The following LRRC36 variants were observed in gnomAD, a reference collection of about 807,000 sequenced individuals.
LRRC36 encodes the protein leucine-rich repeat-containing protein 36.
A neutral mutation model predicts 81.1 loss-of-function variants in LRRC36; 62 were observed. That is an observed-to-expected ratio of 0.76 (90% CI 0.62 to 0.94). The LOEUF is 0.94. Among genes scored for constraint, LRRC36 ranks in the 40% least tolerant of loss-of-function variants. LRRC36 has a pLI of 0.00. For synonymous variants in LRRC36, 334 were observed against 348.6 expected, an observed-to-expected ratio of 0.96 and a Z score of 0.47; for missense variants, 761 against 881.7, an observed-to-expected ratio of 0.86 and a Z score of 1.73.
At chr16:67,377,632 GC>G (rs2039953840) in intron 11 of LRRC36, among the ~76,000 whole-genome samples, 2 of 141,682 alleles carry the variant, frequency 1.4e-5, no homozygotes, top group Admixed American at 7.0e-5. Context: ...GCACCTGGCC[GC>G]CTTTTTTCTT....
At chr16:67,350,467 A>G (rs546075867) in intron 5 of LRRC36, among the ~76,000 whole-genome samples, 177 bp downstream of exon 5, 2 of 152,200 alleles carry the variant, frequency 1.3e-5, no homozygotes, top group Non-Finnish European at 2.9e-5. Context: ...CTTACAGAGC[A>G]GGCCTAACCC....
Position 67,355,621 on chromosome 16 carries a change from G to A in LRRC36, c.577+5331G>A, listed in dbSNP as rs75509309. On this transcript the variant is annotated intron_variant, in intron 5 of 13. Coordinates refer to ENST00000329956, the MANE Select transcript of LRRC36 (RefSeq NM_018296.6). ...GATCTCCTGACCTCATGATCCGCCC[G>A]CCTCGGCCTCCCAAAGTGCTGGGAT... 0.029 allele frequency among the ~76,000 whole-genome samples: 4,387 copies of A among 151,954 alleles called. 457 individuals are homozygous for A. The East Asian group carries it at 0.31, about 11-fold the overall frequency.
chr16:67,327,292 C>T (rs1017211618), intron 1 of LRRC36, among the ~76,000 whole-genome samples: 1 of 151,790 alleles, frequency 6.6e-6, no homozygotes, highest in Non-Finnish European at 1.5e-5. Context: ...GCGGGTGGAT[C>T]ACCTGAGCGT....
intron 9 of LRRC36, among the ~76,000 whole-genome samples, 164 bp from the exon 10 acceptor site, chr16:67,375,083 C>T (rs1330763392): frequency 6.6e-6 from 1 of 151,432 alleles, no homozygotes; most frequent in Non-Finnish European, 1.5e-5. Context: ...GCCCAGATCG[C>T]ACCACTGCAC....
Position 67,342,045 on chromosome 16 carries a change from A to T in LRRC36, c.159A>T (p.Arg53=), listed in dbSNP as rs1404593967. ...CCTTCAGAAATTTTAAAAATCTCCG[A>T]TCCTTAGATTTATCAAGGAATTTGA... is the stretch of plus-strand genomic sequence containing the variant. The part of the protein sequence containing the change: ...GDAFRNFKNL[R]SLDLSRNLIT... Residue 53 remains arginine, a synonymous_variant, in exon 2 of 14, where the codon CGA becomes CGT. Transcript: ENST00000329956. The T allele has an allele frequency of 6.2e-7, 1 of 1,610,808 alleles. No homozygotes were observed. The highest frequency in any genetic ancestry group is 1.3e-5 in the African/African-American group (1 of 74,844).
At chr16:67,357,879 C>T (rs1224809055) in intron 5 of LRRC36, among the ~76,000 whole-genome samples, 1 of 152,190 alleles carries the variant, frequency 6.6e-6, no homozygotes, top group Non-Finnish European at 1.5e-5. Context: ...TTACTTGCCC[C>T]TGTATCTGTA....
At chr16:67,383,557 G>A (rs2040190807) in intron 13 of LRRC36, among the ~76,000 whole-genome samples, 1 of 152,138 alleles carries the variant, frequency 6.6e-6, no homozygotes, top group East Asian at 1.9e-4. Context: ...CTACTGGTCT[G>A]GGGACCACAC....
At chr16:67,373,386 G>A (rs1000032410) in intron 9 of LRRC36, among the ~76,000 whole-genome samples, 6 of 151,608 alleles carry the variant, frequency 4.0e-5, no homozygotes, top group Non-Finnish European at 7.4e-5. Flanking sequence ...AAATTTCCAA[G>A]AAGAGCATTT....
intron 1 of LRRC36, 95 bp from the exon 2 acceptor site, chr16:67,341,862 A>G: frequency 1.1e-6 from 1 of 946,868 alleles, no homozygotes; most frequent in Non-Finnish European, 1.6e-6. Context: ...GGCCTTGCAC[A>G]GTTGAGATAT....
chr16:67,350,447 C>T (rs749796819), intron 5 of LRRC36, among the ~76,000 whole-genome samples, 157 bp downstream of exon 5: 1 of 152,190 alleles, frequency 6.6e-6, no homozygotes, highest in African/African-American at 2.4e-5. Context: ...CCTCTCACTG[C>T]CAGAAGGACC....
chr16:67,363,296 A>G (rs994031355), intron 5 of LRRC36, among the ~76,000 whole-genome samples: 4 of 152,192 alleles, frequency 2.6e-5, no homozygotes, highest in East Asian at 1.9e-4. Context: ...CCTTCCACTC[A>G]GTTTCTGTTG....
intron 1 of LRRC36, among the ~76,000 whole-genome samples, chr16:67,327,458 A>G (rs1050779729): frequency 2.6e-5 from 4 of 152,168 alleles, no homozygotes; most frequent in African/African-American, 9.7e-5. Flanking sequence ...GCACCACTGC[A>G]CTGCAGCCTG....
chr16:67,345,037 C>T (rs1286033514), intron 2 of LRRC36, among the ~76,000 whole-genome samples: 1 of 151,102 alleles, frequency 6.6e-6, no homozygotes, highest in South Asian at 2.1e-4. Flanking sequence ...ATTAACCAGG[C>T]ACAGTGGCTC....
intron 5 of LRRC36, among the ~76,000 whole-genome samples, chr16:67,355,140 GTTTA>G (rs1394341270): frequency 1.3e-5 from 2 of 152,102 alleles, no homozygotes; most frequent in African/African-American, 2.4e-5. Context: ...ATGTACCACA[GTTTA>G]TTTATCCACT....
chr16:67,373,293 C>T (rs760284114), intron 9 of LRRC36, among the ~76,000 whole-genome samples: 1 of 152,082 alleles, frequency 6.6e-6, no homozygotes, highest in African/African-American at 2.4e-5. Context: ...TTATTTTTCT[C>T]TTTATGGAAA....
intron 1 of LRRC36, among the ~76,000 whole-genome samples, chr16:67,340,991 A>T (rs1297922991): frequency 1.0e-5 from 1 of 100,308 alleles, no homozygotes; most frequent in South Asian, 2.9e-4. Flanking sequence ...GAATATGTAT[A>T]TTATATATAG....
intron 10 of LRRC36, among the ~76,000 whole-genome samples, chr16:67,376,041 G>A (rs1430948504): frequency 6.6e-6 from 1 of 152,220 alleles, no homozygotes; most frequent in Non-Finnish European, 1.5e-5. Flanking sequence ...TGGATGCGGT[G>A]ACTAACGCCT....
In LRRC36 at chr16:67,350,250, A is replaced by G; in HGVS notation, c.537A>G (p.Ala179=). ...ACTGTGTAACAGGTGAGAGCTCTGC[A>G]TCAAAAGTCAGTGCTAATGTTGACA... ...MKNCVTGESS[A]SKVSANVDSR... The change falls in exon 5 of 14, where the codon GCA becomes GCG. Residue 179 remains alanine (A), a synonymous_variant. Coordinates refer to ENST00000329956, the MANE Select transcript of LRRC36 (RefSeq NM_018296.6). 3 of 1,613,582 alleles carry G rather than the reference A, an allele frequency of 1.9e-6. No homozygotes were observed. The highest frequency in any genetic ancestry group is 1.7e-6 in the Non-Finnish European group (2 of 1,179,878).
At chr16:67,354,562 A>G (rs1363986657) in intron 5 of LRRC36, among the ~76,000 whole-genome samples, 1 of 152,150 alleles carries the variant, frequency 6.6e-6, no homozygotes, top group Non-Finnish European at 1.5e-5. Flanking sequence ...ACAGATGTGA[A>G]ACACTGCACC....
Sources: gnomAD v4.1 joint callset for allele counts (sites outside exome capture counted in the v4.1 genomes callset) on GRCh38, gnomAD v4.1.1 for gene constraint, MANE v1.5 for transcripts, NCBI Gene and HGNC (gene_info 2026-07-23, HGNC 2026-07-21) for gene names.